The following CFAP20DC variants were observed in gnomAD, a reference collection of about 807,000 sequenced individuals.
The protein encoded by CFAP20DC is protein CFAP20DC.
A neutral mutation model predicts 101.7 loss-of-function variants in CFAP20DC; 84 were observed. The observed-to-expected ratio is 0.83, with a 90% confidence interval of 0.69 to 0.99. The LOEUF (loss-of-function observed/expected upper bound fraction) is 0.99, where lower values mean the gene tolerates loss of function less well. Ranked by LOEUF, CFAP20DC falls within the 50% of genes least tolerant of loss-of-function variation. CFAP20DC has a pLI of 0.00. For synonymous variants in CFAP20DC, 359 were observed against 351.2 expected (o/e 1.02, Z -0.25); for missense variants, 1,007 against 970.3 (o/e 1.04, Z -0.50).
At chr3:58,998,007 C>A (rs2093191571) in intron 4 of CFAP20DC, among the ~76,000 whole-genome samples, 1 of 152,190 alleles carries the variant, frequency 6.6e-6, no homozygotes, top group Non-Finnish European at 1.5e-5. Context: ...CACAGTCAGT[C>A]TTCCACAGAG....
At chr3:59,026,438 C>A (rs1212064330) in intron 4 of CFAP20DC, among the ~76,000 whole-genome samples, 1 of 152,096 alleles carries the variant, frequency 6.6e-6, no homozygotes, top group East Asian at 1.9e-4. Flanking sequence ...TAAAAAGCTA[C>A]AAAGCAACCA....
chr3:58,807,424 T>C (rs1190755595), intron 14 of CFAP20DC, among the ~76,000 whole-genome samples: 1 of 152,194 alleles, frequency 6.6e-6, no homozygotes, highest in Non-Finnish European at 1.5e-5. Context: ...TCCGCTGTTC[T>C]GCAGCCACCG....
At chr3:59,022,193 T>G (rs1189654724) in intron 4 of CFAP20DC, among the ~76,000 whole-genome samples, 2 of 152,062 alleles carry the variant, frequency 1.3e-5, no homozygotes, top group Non-Finnish European at 2.9e-5. Flanking sequence ...CATAATTACA[T>G]GTTCACCTTT....
rs2093680522 is a variant in CFAP20DC, at chr3:59,015,975, GA to G, written c.278+23581del. Among the ~76,000 whole-genome samples, 1 of 152,116 alleles carries G rather than the reference GA, an allele frequency of 6.6e-6. No homozygotes were observed. Among genetic ancestry groups the G allele is most frequent in the African/African-American group, 2.4e-5 (1 of 41,438 alleles). On this transcript the variant is annotated intron_variant, in intron 4 of 16. Transcript: ENST00000482387. This position sits in a 1 kb window ranked among gnomAD's most constrained non-coding sequence, Gnocchi z 5.4. ...TGCCCAGGCTGGGACAAAATGCTGGGAAGAAGCCAGATCCTGGGTTCTGGCT... is the reference window on the plus strand; with the variant it reads ...TGCCCAGGCTGGGACAAAATGCTGGGAGAAGCCAGATCCTGGGTTCTGGCT...
intron 3 of CFAP20DC, chr3:58,726,195 C>T (rs141346809): frequency 6.6e-6 from 1 of 152,330 alleles, no homozygotes; most frequent in African/African-American, 2.4e-5. Flanking sequence ...CTAGGTAAGG[C>T]ATACGACATA....
chr3:58,996,472 T>C (rs1422676832), intron 4 of CFAP20DC, among the ~76,000 whole-genome samples: 1 of 152,242 alleles, frequency 6.6e-6, no homozygotes, highest in Non-Finnish European at 1.5e-5. Context: ...AATAGATGTA[T>C]AATGTATGAC....
rs79545387 is a variant in CFAP20DC, at chr3:58,867,318, T to C, written c.1135+499A>G. Among the ~76,000 whole-genome samples the C allele has an allele frequency of 2.7e-3, 409 of 152,292 alleles. 1 individual carries two copies. The highest frequency in any genetic ancestry group is 9.5e-3 in the African/African-American group (395 of 41,566). ...AATCCAATATTTAAGGGAATAACTA[T>C]AATGGCCACGTATTTGTCTAATGCT... On this transcript the variant is annotated intron_variant, in intron 10 of 16. Coordinates refer to ENST00000482387, the MANE Select transcript of CFAP20DC (RefSeq NM_001394063.1).
rs1243494510 is a variant in CFAP20DC at position 58,788,550 on chromosome 3, C to T, written c.2237+17845G>A. Among the ~76,000 whole-genome samples, 1 of 152,132 alleles carries T rather than the reference C, an allele frequency of 6.6e-6. No individual in the cohort carries two copies. Among genetic ancestry groups the T allele is most frequent in the Admixed American group, 6.6e-5 (1 of 15,246 alleles). ...TCACAAAATGGGATGCTAACATATTCCCGTGCTGCATGTCTGGATGAACAC... is the reference window on the plus strand; with the variant it reads ...TCACAAAATGGGATGCTAACATATTTCCGTGCTGCATGTCTGGATGAACAC... On this transcript the variant is annotated intron_variant, in intron 15 of 16. Transcript: ENST00000482387. The surrounding 1 kb of genome is among the most constrained non-coding windows in gnomAD (Gnocchi z 4.2).
At chr3:58,762,793 A>C (rs575286678) in intron 15 of CFAP20DC, among the ~76,000 whole-genome samples, 4 of 152,176 alleles carry the variant, frequency 2.6e-5, no homozygotes, top group Non-Finnish European at 5.9e-5. Flanking sequence ...TCCTTCACTT[A>C]TGAAGCTTAG....
chr3:58,810,793 A>G (rs1380855882), intron 14 of CFAP20DC, among the ~76,000 whole-genome samples: 2 of 151,642 alleles, frequency 1.3e-5, no homozygotes, highest in South Asian at 2.1e-4. Context: ...ATGATTGTAT[A>G]TCTAGAAAAC....
chr3:58,819,696 C>T (rs1236075540), intron 14 of CFAP20DC, among the ~76,000 whole-genome samples: 9 of 140,140 alleles, frequency 6.4e-5, no homozygotes, highest in African/African-American at 2.3e-4. Flanking sequence ...GATTCACAGC[C>T]GAATTCTACC....
intron 4 of CFAP20DC, chr3:59,018,906 A>T (rs1484574908): frequency 2.0e-5 from 3 of 152,074 alleles, no homozygotes; most frequent in African/African-American, 7.2e-5. Flanking sequence ...CATACTCTCA[A>T]ATAGCTTGAG....
At chr3:58,831,992 A>C (rs2076427516) in intron 13 of CFAP20DC, 103 bp from the exon 14 acceptor site, 1 of 925,006 alleles carries the variant, frequency 1.1e-6, no homozygotes. Context: ...CCCAACTGAC[A>C]GAGGCCCAAA....
intron 4 of CFAP20DC, among the ~76,000 whole-genome samples, chr3:59,008,139 C>A (rs6775801): frequency 6.6e-6 from 1 of 152,178 alleles, no homozygotes; most frequent in Admixed American, 6.5e-5. Flanking sequence ...AAGAAGCACA[C>A]CCCAGATTCA....
rs746174256 is a variant in CFAP20DC, at chr3:59,049,901, C to T, written c.-270G>A. The T allele has an allele frequency of 1.3e-5, 7 of 549,086 alleles. No homozygotes were observed. Among genetic ancestry groups the T allele is most frequent in the Non-Finnish European group, 1.9e-5 (6 of 308,794 alleles). The allele number at this position is 549,086 out of a possible 1,614,324, so 34.0% of individuals were successfully genotyped here. A position where few individuals can be genotyped will look rare whatever the true frequency, so the allele number is the denominator to read the frequency against. ...CGCAGCTGCCTGGACGGACTCCGGG[C>T]CGTCCCTGGGGAGTGATTGTGTGTG... On this transcript the variant is annotated 5_prime_UTR_variant, in exon 1 of 17. Coordinates refer to ENST00000482387, the MANE Select transcript of CFAP20DC (RefSeq NM_001394063.1).
At chr3:59,004,473 T>C (rs1283462089) in intron 4 of CFAP20DC, among the ~76,000 whole-genome samples, 1 of 152,230 alleles carries the variant, frequency 6.6e-6, no homozygotes, top group East Asian at 1.9e-4. Context: ...GCCACTATAA[T>C]GGAAAATGTT....
At position 58,914,459 on chromosome 3, in the gene CFAP20DC, C is replaced by T. The variant is rs1460870930; in HGVS notation, c.394-595G>A. ...TTCTGCGCATTAAATAATTAGGCCC[C>T]TCAATACTTCATCAAATGAATTTTC... On this transcript the variant is annotated intron_variant, in intron 5 of 16. Transcript: ENST00000482387. This position sits in a 1 kb window ranked among gnomAD's most constrained non-coding sequence, Gnocchi z 4.9. 6.6e-6 allele frequency among the ~76,000 whole-genome samples: 1 copy of T among 151,686 alleles called. No individual in the cohort carries two copies. Among genetic ancestry groups the T allele is most frequent in the Non-Finnish European group, 1.5e-5 (1 of 67,954 alleles).
At chr3:58,784,605 G>A (rs1264497724) in intron 15 of CFAP20DC, among the ~76,000 whole-genome samples, 1 of 152,062 alleles carries the variant, frequency 6.6e-6, no homozygotes, top group Non-Finnish European at 1.5e-5. Flanking sequence ...ATTTGCTATT[G>A]TGAATAGTGC....
chr3:58,952,706 G>A (rs1033881146), intron 4 of CFAP20DC, among the ~76,000 whole-genome samples: 15 of 151,978 alleles, frequency 9.9e-5, no homozygotes, highest in African/African-American at 2.7e-4. Context: ...AAGTGTGGGC[G>A]TCAGGCTGTT....
Sources: gnomAD v4.1 joint callset for allele counts (sites outside exome capture counted in the v4.1 genomes callset) on GRCh38, gnomAD v4.1.1 for gene constraint, Gnocchi (gnomAD v3.1) non-coding constraint, MANE v1.5 for transcripts, NCBI Gene and HGNC (gene_info 2026-07-23, HGNC 2026-07-21) for gene names.